The following DLGAP4 variants were observed in gnomAD, a reference collection of about 807,000 sequenced individuals.
DLGAP4 encodes disks large-associated protein 4.
Under a neutral mutation model 86.9 loss-of-function variants are expected in DLGAP4, and 18 were observed. The ratio of observed to expected loss-of-function variants is 0.21; its 90% CI spans 0.14 to 0.31. DLGAP4 has a LOEUF of 0.31. Ranked by LOEUF, DLGAP4 falls within the 10% of genes least tolerant of loss-of-function variation. DLGAP4 has a pLI of 1.00. For synonymous variants in DLGAP4, 548 were observed against 574.3 expected (o/e 0.95, Z 0.65); for missense variants, 1,085 against 1,362.6 (o/e 0.80, Z 3.21).
intron 2 of DLGAP4, among the ~76,000 whole-genome samples, chr20:36,370,450 C>T (rs958852389): frequency 1.3e-5 from 2 of 149,940 alleles, no homozygotes; most frequent in African/African-American, 4.9e-5. Flanking sequence ...TGCACCACTA[C>T]ACTCTAGCCT....
intron 2 of DLGAP4, among the ~76,000 whole-genome samples, chr20:36,384,692 G>A (rs2031532160): frequency 6.6e-6 from 1 of 152,216 alleles, no homozygotes; most frequent in Non-Finnish European, 1.5e-5. Flanking sequence ...GAAAGCAGGA[G>A]TGAATTGTCA....
chr20:36,461,701 C>CTT, intron 7 of DLGAP4: 1 of 679,202 alleles, frequency 1.5e-6, no homozygotes, highest in Non-Finnish European at 1.8e-6. Flanking sequence ...CCCGCCCTCG[C>CTT]CCTCCTCCTC....
Position 36,327,479 on chromosome 20 carries a change from A to G in DLGAP4, c.-304+20967A>G, listed in dbSNP as rs144827047. Among the ~76,000 whole-genome samples the G allele has an allele frequency of 3.0e-4, 46 of 152,196 alleles. No individual in the cohort carries two copies. The East Asian group carries it at 8.3e-3, about 27-fold the overall frequency. On this transcript the variant is annotated intron_variant, in intron 1 of 12. Transcript: ENST00000339266. ...AACGAGAGGAAGTGTCAGAGCCCACAGCTTGGTGAAGGCCACTCTTGACTC... is the reference window on the plus strand; with the variant it reads ...AACGAGAGGAAGTGTCAGAGCCCACGGCTTGGTGAAGGCCACTCTTGACTC...
chr20:36,372,014 A>T (rs2030960023), intron 2 of DLGAP4, among the ~76,000 whole-genome samples: 1 of 152,134 alleles, frequency 6.6e-6, no homozygotes, highest in Non-Finnish European at 1.5e-5. Flanking sequence ...CCTCAATGGG[A>T]TAAGGCATGG....
At chr20:36,506,160 T>C (rs966482192) in intron 10 of DLGAP4, among the ~76,000 whole-genome samples, 1 of 152,216 alleles carries the variant, frequency 6.6e-6, no homozygotes, top group Non-Finnish European at 1.5e-5. Flanking sequence ...GGCTAGTAGC[T>C]GCTGTATTGA....
Position 36,308,723 on chromosome 20 carries a change from C to T in DLGAP4, c.-304+2211C>T, listed in dbSNP as rs6141614. On this transcript the variant is annotated intron_variant, in intron 1 of 12. Coordinates refer to ENST00000339266, the MANE Select transcript of DLGAP4 (RefSeq NM_001365621.2). The surrounding 1 kb of genome is among the most constrained non-coding windows in gnomAD (Gnocchi z 4.5). ...CTCTGAGGAACTGTATCCCGGGCACCGTATGTGACAGAAGCAGGTGGTCCC... is the reference window on the plus strand; with the variant it reads ...CTCTGAGGAACTGTATCCCGGGCACTGTATGTGACAGAAGCAGGTGGTCCC... Among the ~76,000 whole-genome samples, 19 of 152,246 alleles carry T rather than the reference C, an allele frequency of 1.2e-4. No homozygotes were observed. Among genetic ancestry groups the T allele is most frequent in the Middle Eastern group, 3.4e-3 (1 of 294 alleles).
At position 36,451,598 on chromosome 20, in the gene DLGAP4, G is replaced by A. The variant is rs139314776; in HGVS notation, c.1648+4661G>A. 7.5e-3 allele frequency among the ~76,000 whole-genome samples: 1,143 copies of A among 152,060 alleles called. 17 individuals are homozygous for A. Among genetic ancestry groups the A allele is most frequent in the African/African-American group, 0.024 (987 of 41,462 alleles). ...ACTCCTGACCTCAAGTGATCCACCC[G>A]CCTCGGCCTCACAAAGTGCTGGGAT... On this transcript the variant is annotated intron_variant, in intron 7 of 12. Transcript: ENST00000339266.
At chr20:36,438,314 C>G (rs1290002292) in intron 4 of DLGAP4, among the ~76,000 whole-genome samples, 1 of 151,510 alleles carries the variant, frequency 6.6e-6, no homozygotes, top group Non-Finnish European at 1.5e-5. Flanking sequence ...GCAGAGGTTG[C>G]AGGGAGCTGA....
chr20:36,354,648 T>C (rs1555893690), intron 1 of DLGAP4, among the ~76,000 whole-genome samples: 1 of 152,196 alleles, frequency 6.6e-6, no homozygotes, highest in African/African-American at 2.4e-5. Context: ...GCTGTATTGC[T>C]GGGCACAGTG....
chr20:36,433,459 A>G (rs2033182129), intron 3 of DLGAP4, among the ~76,000 whole-genome samples: 1 of 152,186 alleles, frequency 6.6e-6, no homozygotes, highest in Non-Finnish European at 1.5e-5. Context: ...CACATTTCCA[A>G]GTGGCTCTCA....
chr20:36,402,753 T>TAAA lies in DLGAP4; in HGVS notation c.-72-28893_-72-28892insAAA, dbSNP rs1569486631. On this transcript the variant is annotated intron_variant, in intron 2 of 12. Coordinates refer to ENST00000339266, the MANE Select transcript of DLGAP4 (RefSeq NM_001365621.2). ...AAGACCCTGTCTCATAAAAAAAAAT[T>TAAA]TTTTTTTATTAAATACAGTAATTCA... 1.7e-4 allele frequency among the ~76,000 whole-genome samples: 26 copies of TAAA among 151,078 alleles called. No individual in the cohort carries two copies. The East Asian group carries it at 4.7e-3, about 27-fold the overall frequency.
intron 2 of DLGAP4, among the ~76,000 whole-genome samples, chr20:36,374,715 G>A (rs1569477197): frequency 2.0e-5 from 3 of 152,228 alleles, no homozygotes; most frequent in African/African-American, 7.2e-5. Context: ...CCCACCCTGA[G>A]TCAGAATTCC....
chr20:36,526,018 G>C lies in DLGAP4; in HGVS notation c.2760+12G>C. 6.2e-7 allele frequency: 1 copy of C among 1,613,906 alleles called. No homozygotes were observed. The highest frequency in any genetic ancestry group is 1.1e-5 in the South Asian group (1 of 91,070). On this transcript the variant is annotated intron_variant, in intron 12 of 12. Coordinates refer to ENST00000339266, the MANE Select transcript of DLGAP4 (RefSeq NM_001365621.2). ...CCGAGAAGAGGAAGGTGAGCATGGA[G>C]CAGTGCGGAGGGGAAGTCCAGGGAC...
intron 7 of DLGAP4, among the ~76,000 whole-genome samples, chr20:36,447,954 T>C (rs1260165125): frequency 2.2e-5 from 3 of 133,874 alleles, no homozygotes; most frequent in Non-Finnish European, 4.7e-5. Flanking sequence ...ATCTAATGCA[T>C]GTGGGGTTTA....
chr20:36,343,173 T>C (rs2065401260), intron 1 of DLGAP4, among the ~76,000 whole-genome samples: 1 of 152,100 alleles, frequency 6.6e-6, no homozygotes, highest in Non-Finnish European at 1.5e-5. Flanking sequence ...CAAAGACCCC[T>C]CTGGCCTCTG....
chr20:36,485,658 G>A (rs1035740629), intron 7 of DLGAP4, among the ~76,000 whole-genome samples: 7 of 152,134 alleles, frequency 4.6e-5, no homozygotes, highest in Admixed American at 2.0e-4. Context: ...AGCTTTCTGC[G>A]CTGCCACTCA....
In DLGAP4 at chr20:36,432,326, C is replaced by A; in HGVS notation, c.609C>A (p.Gly203=). ...GGCGCAGCCGCTCCAACATCTCAGG[C>A]TGGTGGAGCTCCGATGACAACTTGG... is the stretch of plus-strand genomic sequence containing the variant. ...PKRRSRSNIS[G]WWSSDDNLDG... Residue 203 remains glycine, a synonymous_variant, in exon 3 of 13, where the codon GGC becomes GGA. Coordinates refer to ENST00000339266, the MANE Select transcript of DLGAP4 (RefSeq NM_001365621.2). The surrounding 1 kb of genome is among the most constrained non-coding windows in gnomAD (Gnocchi z 6.5). The A allele has an allele frequency of 6.2e-7, 1 of 1,613,790 alleles. No individual in the cohort carries two copies. Among genetic ancestry groups the A allele is most frequent in the Non-Finnish European group, 8.5e-7 (1 of 1,179,904 alleles).
In DLGAP4 at chr20:36,527,587, G is replaced by T. The variant is rs1036565707; in HGVS notation, c.*556G>T. 6.5e-6 allele frequency: 1 copy of T among 153,020 alleles called. No individual in the cohort carries two copies. The highest frequency in any genetic ancestry group is 1.5e-5 in the Non-Finnish European group (1 of 68,462). 9.5% of individuals were successfully genotyped at this position (153,020 alleles called of 1,614,324 possible). On this transcript the variant is annotated 3_prime_UTR_variant, in exon 13 of 13. Coordinates refer to ENST00000339266, the MANE Select transcript of DLGAP4 (RefSeq NM_001365621.2). ...CGGTTGAGGGCCCAGAGGACAGAGAGATGGACATGCGTCCCCTCCCTCCCC... is the reference window on the plus strand; with the variant it reads ...CGGTTGAGGGCCCAGAGGACAGAGATATGGACATGCGTCCCCTCCCTCCCC...
chr20:36,335,251 A>G (rs1265290264), intron 1 of DLGAP4, among the ~76,000 whole-genome samples: 1 of 152,184 alleles, frequency 6.6e-6, no homozygotes, highest in Non-Finnish European at 1.5e-5. Flanking sequence ...TGATACAACC[A>G]GAAGATTTTC....
Sources: gnomAD v4.1 joint callset for allele counts (sites outside exome capture counted in the v4.1 genomes callset) on GRCh38, gnomAD v4.1.1 for gene constraint, Gnocchi (gnomAD v3.1) non-coding constraint, MANE v1.5 for transcripts, NCBI Gene and HGNC (gene_info 2026-07-23, HGNC 2026-07-21) for gene names.